The following PRKCQ variants were observed in gnomAD, a reference collection of about 807,000 sequenced individuals.
The protein encoded by PRKCQ is protein kinase C theta, also known as protein kinase C theta type.
A neutral mutation model predicts 91.2 loss-of-function variants in PRKCQ; 41 were observed. The ratio of observed to expected loss-of-function variants is 0.45; its 90% CI spans 0.35 to 0.58. The LOEUF is 0.58. Ranked by LOEUF, PRKCQ falls within the 20% of genes least tolerant of loss-of-function variation. The pLI, the probability that PRKCQ is intolerant of heterozygous loss-of-function variation, is 0.00. For missense variants in PRKCQ, 673 were observed against 896.5 expected, an observed-to-expected ratio of 0.75 and a Z score of 3.18; for synonymous variants, 307 against 316.9, an observed-to-expected ratio of 0.97 and a Z score of 0.33.
chr10:6,521,979 G>A (rs1839032095), intron 1 of PRKCQ, among the ~76,000 whole-genome samples: 2 of 151,798 alleles, frequency 1.3e-5, no homozygotes, highest in South Asian at 2.1e-4. Context: ...GTCTCGCCCT[G>A]TTGCCCAGGC....
At chr10:6,488,471 G>A (rs533760335) in intron 8 of PRKCQ, among the ~76,000 whole-genome samples, 7 of 148,660 alleles carry the variant, frequency 4.7e-5, no homozygotes, top group Non-Finnish European at 7.4e-5. Context: ...CTGCAACCTC[G>A]GCCTCCCGGA....
In PRKCQ at chr10:6,442,231, T is replaced by C. The variant is rs1318561050; in HGVS notation, c.1648-150A>G. Reference sequence around the variant, plus strand: ...TGAAACCCATCTCTTGGGAAGCCAATGACTGGAGAGCAGTGTCTAAACAAT... The same window carrying C: ...TGAAACCCATCTCTTGGGAAGCCAACGACTGGAGAGCAGTGTCTAAACAAT... On this transcript the variant is annotated intron_variant, in intron 15 of 17. Transcript: ENST00000263125. 5 of 743,968 alleles carry C rather than the reference T, an allele frequency of 6.7e-6. No homozygotes were observed. In the East Asian group the frequency reaches 1.1e-4, roughly 17 times the overall value. 46.1% of individuals were successfully genotyped at this position (743,968 alleles called of 1,614,324 possible).
chr10:6,416,676 A>T, the PRKCQ span, among the ~76,000 whole-genome samples: 1 of 152,326 alleles, frequency 6.6e-6, no homozygotes, highest in Non-Finnish European at 1.5e-5. Context: ...ATAAGCATAC[A>T]TGTGCAAATG....
chr10:6,573,272 AATGTTGAAGCTT>A (rs1242266135), intron 1 of PRKCQ, among the ~76,000 whole-genome samples: 1 of 152,206 alleles, frequency 6.6e-6, no homozygotes, highest in Non-Finnish European at 1.5e-5. Context: ...CAGAACGGAA[AATGTTGAAGCTT>A]ATGCCCTAAA....
intron 8 of PRKCQ, among the ~76,000 whole-genome samples, chr10:6,489,669 C>A (rs907230271): frequency 6.7e-6 from 1 of 149,628 alleles, no homozygotes; most frequent in African/African-American, 2.5e-5. Context: ...GGCAGGGACC[C>A]GGGAGTGTCA....
At chr10:6,439,733 TACATATA>T (rs56990302) in intron 16 of PRKCQ, among the ~76,000 whole-genome samples, 2,646 of 152,304 alleles carry the variant, frequency 0.017, 78 homozygotes, top group African/African-American at 0.061. Context: ...CAGTATATCA[TACATATA>T]ACATATAACA....
intron 1 of PRKCQ, among the ~76,000 whole-genome samples, chr10:6,567,564 C>A (rs1333551955): frequency 1.3e-5 from 2 of 152,218 alleles, no homozygotes; most frequent in East Asian, 3.8e-4. Flanking sequence ...AGTGTTTTCC[C>A]TCTATGACAT....
intron 4 of PRKCQ, among the ~76,000 whole-genome samples, chr10:6,500,859 T>C (rs1238149596): frequency 1.3e-5 from 2 of 152,158 alleles, no homozygotes; most frequent in South Asian, 2.1e-4. Context: ...CACCCTTGCA[T>C]GGCTAACAGT....
the PRKCQ span, among the ~76,000 whole-genome samples, chr10:6,402,075 A>G: frequency 6.6e-6 from 1 of 152,158 alleles, no homozygotes; most frequent in Admixed American, 6.5e-5. Context: ...GGAAACCATC[A>G]TTCTCGGCAA....
intron 1 of PRKCQ, among the ~76,000 whole-genome samples, chr10:6,538,339 G>A (rs142994918): frequency 2.0e-5 from 3 of 152,308 alleles, no homozygotes; most frequent in African/African-American, 7.2e-5. Flanking sequence ...GCTGGACCTC[G>A]GGGAAGCTAA....
intron 1 of PRKCQ, among the ~76,000 whole-genome samples, chr10:6,568,787 C>T (rs1247893235): frequency 3.9e-5 from 6 of 152,190 alleles, no homozygotes; most frequent in East Asian, 1.9e-4. Flanking sequence ...CGTGAGCCAC[C>T]GCGCCCGGCC....
At position 6,456,634 on chromosome 10, in the gene PRKCQ, G is replaced by C. The variant is rs780921657; in HGVS notation, c.1647+40C>G. 5.6e-6 allele frequency: 9 copies of C among 1,610,186 alleles called. No individual in the cohort carries two copies. In the African/African-American group the frequency reaches 1.2e-4, roughly 22 times the overall value. On this transcript the variant is annotated intron_variant, in intron 15 of 17. Transcript: ENST00000263125. ...TAAAGAAGCAATGGCATGTGGCCAG[G>C]GCATGGTGAGGTGGGAGCAGCCTGT... is the stretch of plus-strand genomic sequence containing the variant.
At chr10:6,559,068 C>G (rs887277523) in intron 1 of PRKCQ, among the ~76,000 whole-genome samples, 1 of 152,126 alleles carries the variant, frequency 6.6e-6, no homozygotes, top group African/African-American at 2.4e-5. Flanking sequence ...TACTCATTGG[C>G]CTATCTGCTA....
intron 1 of PRKCQ, among the ~76,000 whole-genome samples, chr10:6,524,649 C>T (rs1234832232): frequency 6.6e-6 from 1 of 152,312 alleles, no homozygotes; most frequent in East Asian, 1.9e-4. Context: ...CTCACCAAAG[C>T]GACATACAAA....
At chr10:6,560,301 T>C (rs572967211) in intron 1 of PRKCQ, among the ~76,000 whole-genome samples, 11 of 152,126 alleles carry the variant, frequency 7.2e-5, no homozygotes, top group Non-Finnish European at 1.6e-4. Context: ...GAGAACTTTC[T>C]GGAGTATTTT....
intron 12 of PRKCQ, among the ~76,000 whole-genome samples, 199 bp from the exon 13 acceptor site, chr10:6,464,603 A>G (rs1013157341): frequency 1.3e-5 from 2 of 152,072 alleles, no homozygotes; most frequent in Non-Finnish European, 2.9e-5. Context: ...ATGCACCACC[A>G]GGCCCAGCTA....
intron 16 of PRKCQ, among the ~76,000 whole-genome samples, chr10:6,433,192 G>T (rs1237287262): frequency 6.6e-6 from 1 of 152,206 alleles, no homozygotes; most frequent in African/African-American, 2.4e-5. Context: ...CATCCCAGTT[G>T]TCAGCTGAGG....
chr10:6,481,760 T>A (rs1379512485), intron 11 of PRKCQ, among the ~76,000 whole-genome samples: 1 of 152,232 alleles, frequency 6.6e-6, no homozygotes, highest in African/African-American at 2.4e-5. Context: ...TGCCTTTGGC[T>A]GCACAGATTC....
chr10:6,440,418 T>C (rs1373169919), intron 16 of PRKCQ, among the ~76,000 whole-genome samples: 2 of 152,208 alleles, frequency 1.3e-5, no homozygotes, highest in Admixed American at 6.5e-5. Flanking sequence ...CAGAACCTAG[T>C]AGAGTGCCTC....
Sources: gnomAD v4.1 joint callset for allele counts (sites outside exome capture counted in the v4.1 genomes callset) on GRCh38, gnomAD v4.1.1 for gene constraint, MANE v1.5 for transcripts, NCBI Gene and HGNC (gene_info 2026-07-23, HGNC 2026-07-21) for gene names.